ZC3H13: variants seen among roughly 807,000 people sequenced by gnomAD.
ZC3H13 encodes the protein zinc finger CCCH-type containing 13, also known as zinc finger CCCH domain-containing protein 13.
A neutral mutation model predicts 204.1 loss-of-function variants in ZC3H13; 64 were observed. The observed-to-expected ratio is 0.31, with a 90% CI of 0.26 to 0.39. The LOEUF (loss-of-function observed/expected upper bound fraction) is 0.39. ZC3H13 is among the 10% of genes least tolerant of loss of function. The pLI is 1.00. For missense variants in ZC3H13, 1,833 were observed against 2,082.7 expected (o/e 0.88, Z 2.33); for synonymous variants, 667 against 693.7 (o/e 0.96, Z 0.60).
rs1566144762 is a variant in ZC3H13 at position 45,963,872 on chromosome 13, T to C, written c.4645A>G (p.Thr1549Ala). The part of the protein sequence containing the change: ...GSELFAKVKE[T>A]CQRLLEKPKD... ...GGTTTTTCTAAAAGTCTCTGACATGTTTCTTTGACTTTGGCAAAGAGTTCA... is the reference window on the plus strand; with the variant it reads ...GGTTTTTCTAAAAGTCTCTGACATGCTTCTTTGACTTTGGCAAAGAGTTCA... The change falls in exon 17 of 19, where the codon ACA becomes GCA. Residue 1549 changes from threonine (T) to alanine (A), a missense_variant. Around this residue, in one of 5 missense-constraint regions of ZC3H13, gnomAD observed 211 missense variants for 228.4 expected, o/e 0.92. Coordinates refer to ENST00000679008, the MANE Select transcript of ZC3H13 (RefSeq NM_001330564.2). 6.2e-7 allele frequency: 1 copy of C among 1,614,144 alleles called. No individual in the cohort carries two copies. The highest frequency in any genetic ancestry group is 1.1e-5 in the South Asian group (1 of 91,086).
In ZC3H13 at chr13:45,957,191, T is replaced by C. The variant is rs886572451; in HGVS notation, c.4946A>G (p.His1649Arg). 25 of 1,548,556 alleles carry C rather than the reference T, an allele frequency of 1.6e-5. No individual in the cohort carries two copies. Among genetic ancestry groups the C allele is most frequent in the Non-Finnish European group, 1.2e-5 (14 of 1,145,992 alleles). The change falls in exon 19 of 19, where the codon CAT (histidine) becomes CGT (arginine). Residue 1649 changes from histidine (H) to arginine (R), a missense_variant. Physicochemically the swap from His to Arg is conservative, Grantham distance 29. Coordinates refer to ENST00000679008, the MANE Select transcript of ZC3H13 (RefSeq NM_001330564.2). ...KRKTTCHAPG[H>R]EKTEDNKLSQ... is the part of the protein sequence containing the mutation. ...AAGTTTATTATCTTCAGTCTTTTCA[T>C]GTCCTGGAGCATGGCAAGTAGTCTT...
At chr13:45,962,914 G>C in intron 17 of ZC3H13, 2 of 985,364 alleles carry the variant, frequency 2.0e-6, no homozygotes, top group Non-Finnish European at 2.4e-6. Flanking sequence ...GACAGAGACA[G>C]TGAAAACCAA....
intron 4 of ZC3H13, among the ~76,000 whole-genome samples, chr13:46,041,638 T>C (rs559220933): frequency 6.2e-4 from 95 of 152,302 alleles, no homozygotes; most frequent in African/African-American, 2.3e-3. Flanking sequence ...CAAACACTTT[T>C]CTTTTATTCA....
chr13:46,017,495 T>G (rs2041980927), intron 5 of ZC3H13, among the ~76,000 whole-genome samples: 1 of 69,678 alleles, frequency 1.4e-5, no homozygotes, highest in Non-Finnish European at 2.7e-5. Context: ...TCCTCACAAT[T>G]ATTATTTTTT....
At chr13:45,975,083 G>C (rs1394853345) in intron 12 of ZC3H13, among the ~76,000 whole-genome samples, 200 bp downstream of exon 12, 1 of 151,840 alleles carries the variant, frequency 6.6e-6, no homozygotes, top group Non-Finnish European at 1.5e-5. Flanking sequence ...TGGCCTGAAG[G>C]AATCTGCCTG....
chr13:45,963,848 G>GT lies in ZC3H13; in HGVS notation c.4668dup (p.Pro1557ThrfsTer9). ...TAAAGTAAAATGAAACTACCTTTGGGTTTTTCTAAAAGTCTCTGACATGTT... is the reference window on the plus strand; with the variant it reads ...TAAAGTAAAATGAAACTACCTTTGGGTTTTTTCTAAAAGTCTCTGACATGTT... On this transcript the variant is annotated frameshift_variant, in exon 17 of 19. Transcript: ENST00000679008. LOFTEE classifies it high-confidence loss of function. 6.2e-7 allele frequency: 1 copy of GT among 1,613,870 alleles called. No homozygotes were observed. Among genetic ancestry groups the GT allele is most frequent in the South Asian group, 1.1e-5 (1 of 91,080 alleles).
chr13:45,972,177 T>C (rs1223445493), intron 12 of ZC3H13, among the ~76,000 whole-genome samples: 2 of 150,184 alleles, frequency 1.3e-5, no homozygotes, highest in Non-Finnish European at 3.0e-5. Context: ...AGTCATTATA[T>C]GAAAAAAAAA....
At chr13:46,036,384 A>G (rs2043213099) in intron 4 of ZC3H13, among the ~76,000 whole-genome samples, 1 of 152,224 alleles carries the variant, frequency 6.6e-6, no homozygotes, top group Non-Finnish European at 1.5e-5. Context: ...TGAAAAAGTA[A>G]TTTGAGTGTA....
intron 5 of ZC3H13, among the ~76,000 whole-genome samples, chr13:46,019,882 T>C (rs936378272): frequency 7.2e-5 from 11 of 152,120 alleles, no homozygotes; most frequent in Non-Finnish European, 1.6e-4. Context: ...CTGCTTGACT[T>C]CAAGAGGCTA....
At position 45,965,312 on chromosome 13, in the gene ZC3H13, C is replaced by T. The variant is rs752685699; in HGVS notation, c.4442G>A (p.Arg1481Lys). 27 of 1,613,496 alleles carry T rather than the reference C, an allele frequency of 1.7e-5. No homozygotes were observed. In the South Asian group the frequency reaches 2.9e-4, roughly 17 times the overall value. Residue 1481 changes from arginine to lysine, a missense_variant, in exon 16 of 19, where the codon AGG becomes AAG. By Grantham distance (26) the Arg-to-Lys change is conservative (BLOSUM62 2). Coordinates refer to ENST00000679008, the MANE Select transcript of ZC3H13 (RefSeq NM_001330564.2). ...CTTCTCCTCATCCTGTTGGTCCTCC[C>T]TCTTTTCTGCATCACCTGCCAGAAT... is the stretch of plus-strand genomic sequence containing the variant. ...DEILAGDAEK[R>K]EDQQDEEKMP...
intron 5 of ZC3H13, among the ~76,000 whole-genome samples, chr13:46,014,661 C>T (rs1487565990): frequency 6.6e-6 from 1 of 152,054 alleles, no homozygotes. Flanking sequence ...TGTACTTTGC[C>T]TTTATGATAC....
In ZC3H13 at chr13:45,967,911, T is replaced by C. The variant is rs374259305; in HGVS notation, c.3914A>G (p.Tyr1305Cys). The C allele has an allele frequency of 1.7e-5, 27 of 1,614,050 alleles. No homozygotes were observed. Among genetic ancestry groups the C allele is most frequent in the Non-Finnish European group, 2.1e-5 (25 of 1,179,940 alleles). The change falls in exon 15 of 19, where the codon TAT (tyrosine) becomes TGT (cysteine). Residue 1305 changes from tyrosine to cysteine, a missense_variant. Physicochemically the swap from Tyr to Cys is radical, Grantham distance 194 (BLOSUM62 -2). Transcript: ENST00000679008. Reference protein sequence around the residue: ...SRDRLQERDRYEHDRERERER... With the variant: ...SRDRLQERDRCEHDRERERER... ...TCTCTCGCGCTCTCTGTCGTGTTCA[T>C]ATCGATCTCGTTCTTGAAGCCTGTC... is the stretch of plus-strand genomic sequence containing the variant.
At chr13:46,036,724 TTTTTG>T (rs1258975357) in intron 4 of ZC3H13, among the ~76,000 whole-genome samples, 3 of 152,028 alleles carry the variant, frequency 2.0e-5, no homozygotes, top group East Asian at 1.9e-4. Flanking sequence ...CCAATTGTCA[TTTTTG>T]TTTTGTTTTG....
chr13:45,974,092 A>G (rs1449548393), intron 12 of ZC3H13, among the ~76,000 whole-genome samples: 2 of 152,260 alleles, frequency 1.3e-5, no homozygotes, highest in East Asian at 1.9e-4. Flanking sequence ...AATTGAAGAT[A>G]CATAAATTAT....
At position 45,968,842 on chromosome 13, in the gene ZC3H13, A is replaced by G. The variant is rs774572761; in HGVS notation, c.3702T>C (p.Asp1234=). ...RKRVLHSGSR[D]REKTKSLEIT... ...TTTCCAGGCTTTTTGTTTTTTCTCT[A>G]TCTCTTGAGCCACTGTGCAGTACTC... is the stretch of plus-strand genomic sequence containing the variant. The change falls in exon 14 of 19, where the codon GAT becomes GAC. Residue 1234 remains aspartate, a synonymous_variant. Transcript: ENST00000679008. 3.7e-6 allele frequency: 6 copies of G among 1,613,584 alleles called. No homozygotes were observed. Among genetic ancestry groups the G allele is most frequent in the African/African-American group, 2.7e-5 (2 of 74,784 alleles).
chr13:46,002,502 G>T (rs1225031001), intron 8 of ZC3H13, among the ~76,000 whole-genome samples: 1 of 152,116 alleles, frequency 6.6e-6, no homozygotes, highest in African/African-American at 2.4e-5. Flanking sequence ...ACAATAGCCA[G>T]GAGGTGAAAG....
intron 14 of ZC3H13, 72 bp from the exon 15 acceptor site, chr13:45,968,100 G>T: frequency 2.8e-6 from 4 of 1,441,310 alleles, no homozygotes; most frequent in East Asian, 2.3e-5. Flanking sequence ...TTCATTTCAA[G>T]GTCCTTTAAA....
intron 17 of ZC3H13, 81 bp from the exon 18 acceptor site, chr13:45,959,727 A>AT: frequency 7.4e-7 from 1 of 1,354,578 alleles, no homozygotes; most frequent in East Asian, 2.8e-5. Context: ...TATTCTACAA[A>AT]TTTTATACTT....
intron 8 of ZC3H13, among the ~76,000 whole-genome samples, chr13:45,994,916 C>T (rs2040221931): frequency 6.6e-6 from 1 of 151,118 alleles, no homozygotes; most frequent in Non-Finnish European, 1.5e-5. Context: ...CACTGGGTGC[C>T]AAGCAAGGGA....
Sources: allele counts gnomAD v4.1 joint callset (sites outside exome capture counted in the v4.1 genomes callset), GRCh38; gene constraint gnomAD v4.1.1; regional missense constraint gnomAD v4.1.1; transcripts MANE v1.5; gene names NCBI Gene and HGNC (gene_info 2026-07-23, HGNC 2026-07-21).